Variants in SHISA9 observed in about 807,000 individuals in gnomAD.
SHISA9 encodes the protein shisa family member 9.
A neutral mutation model predicts 38.0 loss-of-function variants in SHISA9; 13 were observed. The observed-to-expected ratio is 0.34, with a 90% CI of 0.22 to 0.54. The LOEUF is 0.54. Among genes scored for constraint, SHISA9 ranks in the 20% least tolerant of loss-of-function variants. The pLI, the probability that SHISA9 is intolerant of heterozygous loss-of-function variation, is 0.91. For synonymous variants in SHISA9, 275 were observed against 242.0 expected, an observed-to-expected ratio of 1.14 and a Z score of -1.27; for missense variants, 538 against 575.8, an observed-to-expected ratio of 0.93 and a Z score of 0.67.
intron 2 of SHISA9, among the ~76,000 whole-genome samples, chr16:12,979,175 A>G (rs2072207761): frequency 6.6e-6 from 1 of 152,008 alleles, no homozygotes; most frequent in African/African-American, 2.4e-5. Context: ...TTATAGCCAC[A>G]CCCTCTCTGC....
At chr16:13,345,190 G>C in the SHISA9 span, among the ~76,000 whole-genome samples, 2 of 152,054 alleles carry the variant, frequency 1.3e-5, no homozygotes, top group African/African-American at 2.4e-5. Flanking sequence ...TTATTGTACA[G>C]ATTATTTCAT....
the SHISA9 span, among the ~76,000 whole-genome samples, chr16:13,535,281 A>G: frequency 1.3e-5 from 2 of 151,946 alleles, no homozygotes; most frequent in Non-Finnish European, 1.5e-5. Context: ...TTCCAACTCA[A>G]CTCTCCAGTT....
At chr16:12,987,714 C>G (rs534004471) in intron 2 of SHISA9, among the ~76,000 whole-genome samples, 1 of 152,168 alleles carries the variant, frequency 6.6e-6, no homozygotes, top group East Asian at 1.9e-4. Flanking sequence ...CAAACCTGCA[C>G]GTTCTGCATG....
chr16:13,414,036 C>T, the SHISA9 span, among the ~76,000 whole-genome samples: 1 of 152,140 alleles, frequency 6.6e-6, no homozygotes, highest in Non-Finnish European at 1.5e-5. Context: ...CAAATCCCAC[C>T]ACTTGAGGTT....
chr16:13,492,544 G>A, the SHISA9 span, among the ~76,000 whole-genome samples: 1 of 152,136 alleles, frequency 6.6e-6, no homozygotes, highest in African/African-American at 2.4e-5. Flanking sequence ...TTTTGTTGAG[G>A]TCTTGTCTGT....
chr16:13,014,125 A>T (rs781514238), intron 2 of SHISA9, among the ~76,000 whole-genome samples: 20 of 152,194 alleles, frequency 1.3e-4, no homozygotes, highest in Non-Finnish European at 2.6e-4. Flanking sequence ...AAATCCTACA[A>T]GGCTATTATC....
chr16:12,960,189 C>A (rs1176273971), intron 2 of SHISA9, among the ~76,000 whole-genome samples: 1 of 152,228 alleles, frequency 6.6e-6, no homozygotes, highest in Non-Finnish European at 1.5e-5. Context: ...ACTTAGACTG[C>A]AAACAAGATT....
intron 2 of SHISA9, among the ~76,000 whole-genome samples, chr16:13,173,657 G>C (rs557421603): frequency 1.6e-4 from 24 of 152,280 alleles, no homozygotes; most frequent in African/African-American, 5.8e-4. Flanking sequence ...CTAAGCTCCT[G>C]AAATGCACAG....
the SHISA9 span, among the ~76,000 whole-genome samples, chr16:13,471,039 T>A: frequency 1.3e-4 from 19 of 151,914 alleles, 2 homozygotes; most frequent in Admixed American, 1.2e-3. Flanking sequence ...CAACTGGGGT[T>A]CAGTCTTGCT....
chr16:13,502,815 T>C, the SHISA9 span, among the ~76,000 whole-genome samples: 4 of 152,032 alleles, frequency 2.6e-5, no homozygotes, highest in Admixed American at 2.0e-4. Flanking sequence ...AGGCAGAGGT[T>C]GTAGTGAGCT....
the SHISA9 span, among the ~76,000 whole-genome samples, chr16:13,547,946 C>G: frequency 6.6e-6 from 1 of 152,108 alleles, no homozygotes; most frequent in Non-Finnish European, 1.5e-5. Context: ...GGTGGCATCA[C>G]ACTACCTGAC....
the SHISA9 span, among the ~76,000 whole-genome samples, chr16:13,528,387 AG>A: frequency 6.6e-6 from 1 of 151,922 alleles, no homozygotes; most frequent in Non-Finnish European, 1.5e-5. Flanking sequence ...GAAAGTGCAA[AG>A]AAGAGGTCAC....
chr16:13,246,075 G>A, the SHISA9 span, among the ~76,000 whole-genome samples: 32 of 152,214 alleles, frequency 2.1e-4, no homozygotes, highest in East Asian at 6.0e-3. Context: ...AATCCATCCT[G>A]TTAGGAATAT....
chr16:13,144,044 C>G (rs1351249701), intron 2 of SHISA9, among the ~76,000 whole-genome samples: 2 of 151,762 alleles, frequency 1.3e-5, no homozygotes, highest in Non-Finnish European at 2.9e-5. Flanking sequence ...TGGTCAATGT[C>G]TTTTTCTTTT....
intron 2 of SHISA9, among the ~76,000 whole-genome samples, chr16:13,135,150 A>T (rs889518079): frequency 5.3e-5 from 8 of 152,218 alleles, no homozygotes; most frequent in African/African-American, 1.9e-4. Flanking sequence ...ATAGGGAAGA[A>T]CAGCAAATGT....
At chr16:13,357,718 A>G in the SHISA9 span, among the ~76,000 whole-genome samples, 21 of 151,536 alleles carry the variant, frequency 1.4e-4, no homozygotes, top group African/African-American at 4.9e-4. Context: ...TAGGATTTGG[A>G]TAGGTAAAGG....
At chr16:13,359,965 G>T in the SHISA9 span, among the ~76,000 whole-genome samples, 1 of 152,160 alleles carries the variant, frequency 6.6e-6, no homozygotes, top group African/African-American at 2.4e-5. Context: ...TTTCATCTGT[G>T]CATGCCCCAC....
chr16:12,910,444 C>T (rs2141713357), intron 1 of SHISA9: 1 of 985,008 alleles, frequency 1.0e-6, no homozygotes, highest in South Asian at 4.7e-5. Context: ...AGCCAAATAT[C>T]AGGAGACAGG....
the SHISA9 span, among the ~76,000 whole-genome samples, chr16:13,329,314 G>C: frequency 6.6e-6 from 1 of 151,936 alleles, no homozygotes; most frequent in Admixed American, 6.6e-5. Flanking sequence ...TTAAACCTCC[G>C]CTCCTAAATT....
Sources: gnomAD v4.1 joint callset for allele counts (sites outside exome capture counted in the v4.1 genomes callset) on GRCh38, gnomAD v4.1.1 for gene constraint, MANE v1.5 for transcripts, NCBI Gene and HGNC (gene_info 2026-07-23, HGNC 2026-07-21) for gene names.